OR9Q1: variants seen among roughly 807,000 people sequenced by gnomAD.
OR9Q1 encodes olfactory receptor family 9 subfamily Q member 1, also known as olfactory receptor 9Q1.
For synonymous variants in OR9Q1, 153 were observed against 148.6 expected (o/e 1.03, Z -0.22); for missense variants, 374 against 378.8 (o/e 0.99, Z 0.11).
intron 2 of OR9Q1, chr11:58,145,414 A>C (rs1854291358): frequency 6.6e-6 from 1 of 152,266 alleles, no homozygotes; most frequent in African/African-American, 2.4e-5. Context: ...AGGGTTTCCC[A>C]AGCAGAGTAA....
Position 58,086,273 on chromosome 11 carries a change from G to A in OR9Q1, c.-15+30326G>A, listed in dbSNP as rs192628001. Among the ~76,000 whole-genome samples the A allele has an allele frequency of 2.8e-4, 42 of 151,810 alleles. 2 individuals carry two copies. Among genetic ancestry groups the A allele is most frequent in the Admixed American group, 1.2e-3 (18 of 15,234 alleles). The stretch of plus-strand genomic sequence containing the variant: ...GATATGTGAAAAAATATTCATCATC[G>A]CTAATCATTAGGTAAATAAAAAGTG... On this transcript the variant is annotated intron_variant, in intron 2 of 2. Transcript: ENST00000335397.
chr11:58,112,099 C>A (rs11229256), intron 2 of OR9Q1, among the ~76,000 whole-genome samples: 18,883 of 151,666 alleles, frequency 0.12, 1,401 homozygotes, highest in South Asian at 0.18. Flanking sequence ...ACCAGCCTGG[C>A]CACCATGGTG....
chr11:58,165,722 C>T (rs534782759), intron 2 of OR9Q1, among the ~76,000 whole-genome samples: 13 of 152,274 alleles, frequency 8.5e-5, no homozygotes, highest in African/African-American at 2.4e-4. Flanking sequence ...GGCCAGGTAT[C>T]GTTAGCAGTG....
intron 2 of OR9Q1, among the ~76,000 whole-genome samples, chr11:58,062,890 G>A (rs1853394302): frequency 6.6e-6 from 1 of 152,176 alleles, no homozygotes; most frequent in Non-Finnish European, 1.5e-5. Flanking sequence ...AGGCTGCGTT[G>A]TTCTGCCCTG....
intron 2 of OR9Q1, among the ~76,000 whole-genome samples, chr11:58,079,728 C>T (rs115858158): frequency 2.0e-5 from 3 of 152,058 alleles, no homozygotes; most frequent in Admixed American, 1.3e-4. Context: ...TGAGAAAAGG[C>T]GCCCCAGTTG....
intron 2 of OR9Q1, among the ~76,000 whole-genome samples, chr11:58,126,229 C>T (rs1854089178): frequency 6.6e-6 from 1 of 152,190 alleles, no homozygotes; most frequent in African/African-American, 2.4e-5. Context: ...GTTAGAACCA[C>T]ATAATTTGGC....
rs200753493 is a variant in OR9Q1 at position 58,179,011 on chromosome 11, A to AG, written c.-14-420_-14-419insG. 2.2e-3 allele frequency among the ~76,000 whole-genome samples: 294 copies of AG among 135,800 alleles called. 2 individuals carry two copies. Among genetic ancestry groups the AG allele is most frequent in the African/African-American group, 5.8e-3 (212 of 36,850 alleles). 89.1% of individuals were successfully genotyped at this position (135,800 alleles called of 152,430 possible). ...TATAGAGAGAGAGAGAGAAAGAAAG[A>AG]AAGAGAGAGAGAGAGAGAGAGAGAG... On this transcript the variant is annotated intron_variant, in intron 2 of 2. Coordinates refer to ENST00000335397, the MANE Select transcript of OR9Q1 (RefSeq NM_001005212.4).
At chr11:58,112,900 T>C (rs1308617011) in intron 2 of OR9Q1, among the ~76,000 whole-genome samples, 7 of 152,114 alleles carry the variant, frequency 4.6e-5, no homozygotes, top group Admixed American at 4.6e-4. Context: ...GACACACTGG[T>C]AGTGGTGGCT....
chr11:58,097,059 T>A (rs1399004840), intron 2 of OR9Q1, among the ~76,000 whole-genome samples: 1 of 152,176 alleles, frequency 6.6e-6, no homozygotes, highest in Non-Finnish European at 1.5e-5. Context: ...CTCAGGTTGG[T>A]CTCAAACTCC....
At chr11:58,148,644 G>T (rs1026638334) in intron 2 of OR9Q1, among the ~76,000 whole-genome samples, 6 of 152,222 alleles carry the variant, frequency 3.9e-5, no homozygotes, top group Non-Finnish European at 8.8e-5. Context: ...AAGCATGTTT[G>T]GTTTGAAGGT....
intron 2 of OR9Q1, among the ~76,000 whole-genome samples, chr11:58,146,669 C>A (rs1388408762): frequency 1.3e-5 from 2 of 152,054 alleles, no homozygotes; most frequent in Non-Finnish European, 2.9e-5. Context: ...TAATAGGGTT[C>A]CAGCCTAATT....
At chr11:58,121,031 G>C (rs1184998185) in intron 2 of OR9Q1, among the ~76,000 whole-genome samples, 2 of 151,708 alleles carry the variant, frequency 1.3e-5, no homozygotes, top group Non-Finnish European at 2.9e-5. Flanking sequence ...AGTAATTTGT[G>C]TTTCTCTATT....
chr11:58,118,743 C>T, intron 2 of OR9Q1: 7 of 1,614,026 alleles, frequency 4.3e-6, no homozygotes, highest in African/African-American at 1.3e-5. Flanking sequence ...AAGTCTTGGC[C>T]CTGCCACCTG....
At chr11:58,024,916 CAG>C (rs1852956034) in intron 1 of OR9Q1, among the ~76,000 whole-genome samples, 1 of 152,100 alleles carries the variant, frequency 6.6e-6, no homozygotes, top group South Asian at 2.1e-4. Flanking sequence ...AATGAGATGG[CAG>C]AGGAAAATGG....
intron 2 of OR9Q1, chr11:58,109,027 A>C (rs1853870710): frequency 2.2e-6 from 1 of 452,262 alleles, no homozygotes; most frequent in African/African-American, 2.0e-5. Context: ...CAGGATAACC[A>C]TGACATTGGC....
chr11:58,102,255 ACCC>A (rs1565076124), intron 2 of OR9Q1, among the ~76,000 whole-genome samples: 42 of 374 alleles, frequency 0.11, no homozygotes, highest in African/African-American at 0.2. Context: ...TGTTTTGTAT[ACCC>A]TTTTTACCCT....
rs184605852 is a variant in OR9Q1 at position 58,075,241 on chromosome 11, A to T, written c.-15+19294A>T. On this transcript the variant is annotated intron_variant, in intron 2 of 2. Coordinates refer to ENST00000335397, the MANE Select transcript of OR9Q1 (RefSeq NM_001005212.4). Reference sequence around the variant, plus strand: ...ATATTGATTCTTCCTATCCAGGAGCATAGAATGTTTTTCCATTTGTTTGTG... The same window carrying T: ...ATATTGATTCTTCCTATCCAGGAGCTTAGAATGTTTTTCCATTTGTTTGTG... Among the ~76,000 whole-genome samples, 922 of 152,322 alleles carry T rather than the reference A, an allele frequency of 6.1e-3. 7 individuals carry two copies. Among genetic ancestry groups the T allele is most frequent in the Middle Eastern group, 0.01 (3 of 294 alleles).
intron 2 of OR9Q1, among the ~76,000 whole-genome samples, chr11:58,056,416 A>G (rs1333167504): frequency 6.6e-6 from 1 of 152,212 alleles, no homozygotes; most frequent in Non-Finnish European, 1.5e-5. Flanking sequence ...TGTAGACTAA[A>G]GTTAGTCTGG....
chr11:58,048,606 T>C (rs980037073), intron 1 of OR9Q1, among the ~76,000 whole-genome samples: 7 of 149,562 alleles, frequency 4.7e-5, no homozygotes, highest in African/African-American at 1.7e-4. Flanking sequence ...GAGGTGGAGG[T>C]TGCAGTCAGC....
Sources: gnomAD v4.1 joint callset for allele counts (sites outside exome capture counted in the v4.1 genomes callset) on GRCh38, gnomAD v4.1.1 for gene constraint, MANE v1.5 for transcripts, NCBI Gene and HGNC (gene_info 2026-07-23, HGNC 2026-07-21) for gene names.